ATP8A2: variants seen among roughly 807,000 people sequenced by gnomAD.
ATP8A2 encodes ATPase phospholipid transporting 8A2.
A neutral mutation model predicts 165.6 loss-of-function variants in ATP8A2; 100 were observed. The observed-to-expected ratio is 0.60, with a 90% CI of 0.51 to 0.71. The LOEUF (loss-of-function observed/expected upper bound fraction) is 0.71. Ranked by LOEUF, ATP8A2 falls within the 30% of genes least tolerant of loss-of-function variation. The pLI, the probability that ATP8A2 is intolerant of heterozygous loss-of-function variation, is 0.00. For synonymous variants in ATP8A2, 543 were observed against 548.8 expected (o/e 0.99, Z 0.15); for missense variants, 1,227 against 1,479.5 (o/e 0.83, Z 2.80).
chr13:25,978,532 A>G (rs1408540055), intron 35 of ATP8A2, among the ~76,000 whole-genome samples: 1 of 152,230 alleles, frequency 6.6e-6, no homozygotes, highest in Non-Finnish European at 1.5e-5. Context: ...ACAAAGGCGT[A>G]GAGAAGAAGT....
Position 25,443,217 on chromosome 13 carries a change from C to T in ATP8A2, c.77-25760C>T, listed in dbSNP as rs116185632. ...CATTATGTATAGCAAATGAAACCTA[C>T]TGAATAAAAGTTGAGTTTGAAGTGA... is the stretch of plus-strand genomic sequence containing the variant. On this transcript the variant is annotated intron_variant, in intron 1 of 36. Coordinates refer to ENST00000381655, the MANE Select transcript of ATP8A2 (RefSeq NM_016529.6). 9.2e-3 allele frequency among the ~76,000 whole-genome samples: 1,405 copies of T among 152,208 alleles called. 24 individuals are homozygous for T. The highest frequency in any genetic ancestry group is 0.031 in the African/African-American group (1,306 of 41,514).
intron 33 of ATP8A2, among the ~76,000 whole-genome samples, chr13:25,917,853 T>C (rs1195253165): frequency 6.6e-6 from 1 of 152,246 alleles, no homozygotes; most frequent in Non-Finnish European, 1.5e-5. Flanking sequence ...AAATTCGATG[T>C]ATTATTTTAA....
chr13:26,006,805 C>A (rs140862580), intron 35 of ATP8A2, among the ~76,000 whole-genome samples: 11 of 151,806 alleles, frequency 7.2e-5, no homozygotes, highest in Admixed American at 4.6e-4. Context: ...TCTATTAATG[C>A]GGTATATTAT....
intron 24 of ATP8A2, among the ~76,000 whole-genome samples, chr13:25,646,671 A>AAAAC (rs10675043): frequency 0.15 from 18,376 of 123,748 alleles, 2,858 homozygotes; most frequent in African/African-American, 0.23. Flanking sequence ...AAAAAAAAAA[A>AAAAC]CACACAAAAG....
At chr13:25,402,532 A>G (rs2033670201) in intron 1 of ATP8A2, among the ~76,000 whole-genome samples, 1 of 152,216 alleles carries the variant, frequency 6.6e-6, no homozygotes, top group Admixed American at 6.5e-5. Flanking sequence ...GTCAGCACCA[A>G]ATCAAACATA....
intron 25 of ATP8A2, among the ~76,000 whole-genome samples, chr13:25,722,022 A>T (rs1370800391): frequency 1.3e-5 from 2 of 152,168 alleles, no homozygotes; most frequent in Admixed American, 6.5e-5. Flanking sequence ...GGAACCATGA[A>T]ACTGTTTTCC....
At chr13:25,811,398 C>T (rs1366811483) in intron 27 of ATP8A2, among the ~76,000 whole-genome samples, 1 of 152,002 alleles carries the variant, frequency 6.6e-6, no homozygotes, top group East Asian at 1.9e-4. Context: ...ATAAAATATA[C>T]TTTATTTAAA....
chr13:25,872,595 C>T (rs983202153), intron 33 of ATP8A2, among the ~76,000 whole-genome samples: 2 of 152,050 alleles, frequency 1.3e-5, no homozygotes, highest in East Asian at 1.9e-4. Context: ...AAGAAGACAG[C>T]GTTGGGTAGA....
chr13:25,921,553 G>A (rs1483798162), intron 33 of ATP8A2, among the ~76,000 whole-genome samples: 2 of 151,296 alleles, frequency 1.3e-5, no homozygotes, highest in African/African-American at 4.9e-5. Flanking sequence ...AACCTGGGAG[G>A]CGGAGGTTGC....
intron 1 of ATP8A2, among the ~76,000 whole-genome samples, chr13:25,382,363 T>A (rs536119577): frequency 1.3e-5 from 2 of 152,366 alleles, no homozygotes; most frequent in Admixed American, 1.3e-4. Flanking sequence ...CTTTCACTTT[T>A]TTGAAATTAT....
intron 33 of ATP8A2, among the ~76,000 whole-genome samples, chr13:25,923,333 A>G (rs1166903047): frequency 6.6e-6 from 1 of 152,142 alleles, no homozygotes; most frequent in Non-Finnish European, 1.5e-5. Context: ...TTTGCCTCCT[A>G]CAAGCCAGCA....
intron 1 of ATP8A2, among the ~76,000 whole-genome samples, chr13:25,386,848 G>T (rs571954714): frequency 1.2e-4 from 18 of 151,896 alleles, no homozygotes; most frequent in Admixed American, 4.6e-4. Context: ...ATACAAAAAA[G>T]TAGCCGGGCG....
intron 1 of ATP8A2, among the ~76,000 whole-genome samples, chr13:25,421,123 T>C (rs1204340085): frequency 1.3e-5 from 2 of 152,220 alleles, no homozygotes; most frequent in Non-Finnish European, 2.9e-5. Context: ...ATATTACTAA[T>C]CACTTTGACA....
At chr13:25,385,559 CA>C (rs1392734399) in intron 1 of ATP8A2, among the ~76,000 whole-genome samples, 2 of 151,930 alleles carry the variant, frequency 1.3e-5, no homozygotes, top group East Asian at 1.9e-4. Flanking sequence ...AATAATATAC[CA>C]GGGGCATAGA....
At chr13:25,981,799 T>C (rs899843876) in intron 35 of ATP8A2, among the ~76,000 whole-genome samples, 8 of 152,138 alleles carry the variant, frequency 5.3e-5, no homozygotes, top group Admixed American at 2.0e-4. Flanking sequence ...CCTGAAAAAA[T>C]GTGAAGTCTT....
chr13:25,949,775 T>A (rs1034987403), intron 33 of ATP8A2, among the ~76,000 whole-genome samples: 2 of 152,146 alleles, frequency 1.3e-5, no homozygotes, highest in South Asian at 4.1e-4. Flanking sequence ...TTATTTATGT[T>A]GTTGTTAAAA....
At chr13:25,856,488 C>T (rs1952169884) in intron 30 of ATP8A2, among the ~76,000 whole-genome samples, 1 of 152,146 alleles carries the variant, frequency 6.6e-6, no homozygotes, top group Admixed American at 6.6e-5. Flanking sequence ...AGACTTCACT[C>T]CCATATATTC....
chr13:25,871,370 G>A (rs974655390), intron 33 of ATP8A2, among the ~76,000 whole-genome samples: 1 of 152,124 alleles, frequency 6.6e-6, no homozygotes, highest in African/African-American at 2.4e-5. Context: ...CATCTTCAGA[G>A]GGAGGTGGCC....
intron 24 of ATP8A2, among the ~76,000 whole-genome samples, chr13:25,646,950 T>C (rs936963082): frequency 6.6e-6 from 1 of 152,188 alleles, no homozygotes; most frequent in African/African-American, 2.4e-5. Flanking sequence ...ATATTATACT[T>C]CTGGCAGTCT....
Sources: gnomAD v4.1 joint callset for allele counts (sites outside exome capture counted in the v4.1 genomes callset) on GRCh38, gnomAD v4.1.1 for gene constraint, MANE v1.5 for transcripts, NCBI Gene and HGNC (gene_info 2026-07-23, HGNC 2026-07-21) for gene names.